PCBP3: variants seen among roughly 807,000 people sequenced by gnomAD.
PCBP3 encodes the protein poly(rC)-binding protein 3.
Under a neutral mutation model 52.7 loss-of-function variants are expected in PCBP3, and 25 were observed. The ratio of observed to expected loss-of-function variants is 0.47; its 90% CI spans 0.35 to 0.66. The LOEUF (loss-of-function observed/expected upper bound fraction) is 0.66. Ranked by LOEUF, PCBP3 falls within the 30% of genes least tolerant of loss-of-function variation. The probability of loss-of-function intolerance (pLI) is 0.01; values close to 1 mark genes in which losing one functional copy is unlikely to be tolerated. For missense variants in PCBP3, 391 were observed against 490.3 expected (o/e 0.80, Z 1.91); for synonymous variants, 162 against 183.0 (o/e 0.89, Z 0.93).
intron 2 of PCBP3, among the ~76,000 whole-genome samples, chr21:45,726,080 T>C (rs2085018553): frequency 6.6e-6 from 1 of 151,840 alleles, no homozygotes. Flanking sequence ...TTAGGCCTGC[T>C]GAGATGTGGT....
At chr21:45,649,794 A>ATT (rs561479591) in intron 1 of PCBP3, among the ~76,000 whole-genome samples, 2 of 148,534 alleles carry the variant, frequency 1.3e-5, no homozygotes, top group African/African-American at 4.9e-5. Context: ...GAACTTTGTT[A>ATT]TTTTTTTTTT....
At chr21:45,697,826 G>C (rs2082877307) in intron 2 of PCBP3, among the ~76,000 whole-genome samples, 1 of 151,838 alleles carries the variant, frequency 6.6e-6, no homozygotes, top group South Asian at 2.1e-4. Flanking sequence ...GACAGAACAT[G>C]TAGCCATGGC....
At chr21:45,668,655 A>G (rs973421776) in intron 1 of PCBP3, among the ~76,000 whole-genome samples, 1 of 152,158 alleles carries the variant, frequency 6.6e-6, no homozygotes, top group Non-Finnish European at 1.5e-5. Context: ...TTCTTTAAGA[A>G]ATGTTCTCCA....
chr21:45,711,286 A>G (rs894116655), intron 2 of PCBP3, among the ~76,000 whole-genome samples: 3 of 152,240 alleles, frequency 2.0e-5, no homozygotes, highest in African/African-American at 7.2e-5. Context: ...AGATATTTCT[A>G]TATGTAACCA....
chr21:45,879,811 T>C (rs140993545), intron 5 of PCBP3, among the ~76,000 whole-genome samples: 1 of 151,730 alleles, frequency 6.6e-6, no homozygotes, highest in Non-Finnish European at 1.5e-5. Flanking sequence ...TCAGTGCCTC[T>C]AGAGAAATTT....
Position 45,817,364 on chromosome 21 carries a change from C to T in PCBP3, c.-125-32597C>T, listed in dbSNP as rs946550014. ...ACATGACATTTAGCGTGTCTGTTCA[C>T]CTCATACTCCCCAGTAGTTCTGTCT... is the stretch of plus-strand genomic sequence containing the variant. On this transcript the variant is annotated intron_variant, in intron 4 of 17. Coordinates refer to ENST00000681687, the MANE Select transcript of PCBP3 (RefSeq NM_001384156.1). This position sits in a 1 kb window ranked among gnomAD's most constrained non-coding sequence, Gnocchi z 4.3. Among the ~76,000 whole-genome samples, 2 of 152,222 alleles carry T rather than the reference C, an allele frequency of 1.3e-5. No homozygotes were observed. Among genetic ancestry groups the T allele is most frequent in the Non-Finnish European group, 2.9e-5 (2 of 68,032 alleles).
At chr21:45,789,163 T>A (rs1482758884) in intron 4 of PCBP3, among the ~76,000 whole-genome samples, 1 of 151,230 alleles carries the variant, frequency 6.6e-6, no homozygotes, top group Non-Finnish European at 1.5e-5. Context: ...AGGTCAGGAG[T>A]GAATGTGTGT....
At chr21:45,733,020 G>A (rs1225106021) in intron 2 of PCBP3, among the ~76,000 whole-genome samples, 1 of 152,058 alleles carries the variant, frequency 6.6e-6, no homozygotes, top group East Asian at 1.9e-4. Flanking sequence ...TTGTCTTTTG[G>A]GAGTAGAGAA....
At chr21:45,691,612 A>C (rs1425229918) in intron 2 of PCBP3, among the ~76,000 whole-genome samples, 1 of 151,814 alleles carries the variant, frequency 6.6e-6, no homozygotes, top group Non-Finnish European at 1.5e-5. Context: ...TACCAATGGA[A>C]CAAGTGGATT....
intron 2 of PCBP3, among the ~76,000 whole-genome samples, chr21:45,706,161 C>T (rs1984182910): frequency 6.6e-6 from 1 of 152,192 alleles, no homozygotes; most frequent in South Asian, 2.1e-4. Context: ...GAGCAGTCTT[C>T]TCTACTCTGA....
intron 2 of PCBP3, among the ~76,000 whole-genome samples, chr21:45,733,649 G>T (rs1260270085): frequency 2.6e-5 from 4 of 152,110 alleles, no homozygotes; most frequent in African/African-American, 9.7e-5. Context: ...CACCCAGGCT[G>T]CAGTGCAGTG....
chr21:45,926,996 CA>C, intron 13 of PCBP3, among the ~76,000 whole-genome samples: 1 of 152,186 alleles, frequency 6.6e-6, no homozygotes, highest in East Asian at 1.9e-4. Context: ...CAGCAAAAAT[CA>C]AGCAATAAGA....
At chr21:45,784,409 GCTA>G (rs2090914649) in intron 4 of PCBP3, among the ~76,000 whole-genome samples, 6 of 84,216 alleles carry the variant, frequency 7.1e-5, no homozygotes, top group African/African-American at 2.8e-4. Flanking sequence ...TACCTCTACC[GCTA>G]CCGCTACCCC....
intron 4 of PCBP3, among the ~76,000 whole-genome samples, chr21:45,767,623 C>T (rs2089470689): frequency 6.6e-6 from 1 of 152,250 alleles, no homozygotes; most frequent in Admixed American, 6.5e-5. Flanking sequence ...AGCCGCACTG[C>T]ACTGTTTTGC....
intron 1 of PCBP3, among the ~76,000 whole-genome samples, chr21:45,661,558 G>A (rs1203967033): frequency 6.6e-6 from 1 of 152,160 alleles, no homozygotes; most frequent in Admixed American, 6.5e-5. Context: ...GTCAGCTGTT[G>A]ATGGATACTT....
intron 7 of PCBP3, 119 bp downstream of exon 7, chr21:45,899,741 G>A: frequency 1.4e-6 from 1 of 733,100 alleles, no homozygotes; most frequent in Non-Finnish European, 2.4e-6. Flanking sequence ...TTGGTGGGTG[G>A]TCTGTGTTCC....
intron 4 of PCBP3, among the ~76,000 whole-genome samples, chr21:45,771,297 G>A (rs1379854901): frequency 3.9e-5 from 6 of 152,332 alleles, no homozygotes; most frequent in Admixed American, 2.0e-4. Context: ...CCCATGGGAC[G>A]CATGTTCATG....
chr21:45,655,282 T>C (rs1225386311), intron 1 of PCBP3, among the ~76,000 whole-genome samples: 1 of 151,794 alleles, frequency 6.6e-6, no homozygotes, highest in Non-Finnish European at 1.5e-5. Flanking sequence ...TGCCAAATTG[T>C]TTCCCGAAGA....
chr21:45,745,668 T>C (rs767840636), intron 3 of PCBP3, among the ~76,000 whole-genome samples: 1 of 152,194 alleles, frequency 6.6e-6, no homozygotes, highest in African/African-American at 2.4e-5. Context: ...AGCTGGGCAA[T>C]GCATTCTCCC....
Sources: gnomAD v4.1 joint callset for allele counts (sites outside exome capture counted in the v4.1 genomes callset) on GRCh38, gnomAD v4.1.1 for gene constraint, Gnocchi (gnomAD v3.1) non-coding constraint, MANE v1.5 for transcripts, NCBI Gene and HGNC (gene_info 2026-07-23, HGNC 2026-07-21) for gene names.